The following GLRA3 variants were observed in gnomAD, a reference collection of about 807,000 sequenced individuals.
GLRA3 encodes the protein glycine receptor subunit alpha-3.
Under a neutral mutation model 60.4 loss-of-function variants are expected in GLRA3, and 44 were observed. The ratio of observed to expected loss-of-function variants is 0.73; its 90% CI spans 0.57 to 0.94. GLRA3 has a LOEUF of 0.94. GLRA3 is among the 40% of genes least tolerant of loss of function. The pLI, the probability that GLRA3 is intolerant of heterozygous loss-of-function variation, is 0.00. For missense variants in GLRA3, 508 were observed against 564.6 expected (o/e 0.90, Z 1.02); for synonymous variants, 223 against 192.9 (o/e 1.16, Z -1.29).
At chr4:174,688,049 G>T (rs574609735) in intron 5 of GLRA3, among the ~76,000 whole-genome samples, 1 of 151,636 alleles carries the variant, frequency 6.6e-6, no homozygotes, top group Admixed American at 6.6e-5. Context: ...GGTCCACAAG[G>T]ATTATAAGTC....
intron 7 of GLRA3, among the ~76,000 whole-genome samples, chr4:174,675,907 G>A (rs1433865177): frequency 6.6e-6 from 1 of 151,932 alleles, no homozygotes; most frequent in Non-Finnish European, 1.5e-5. Flanking sequence ...TAATAGAAAG[G>A]ACTAAGGGAG....
chr4:174,828,722 T>C lies in GLRA3; in HGVS notation c.71+19A>G. 6.4e-7 allele frequency: 1 copy of C among 1,551,326 alleles called. No homozygotes were observed. The highest frequency in any genetic ancestry group is 8.9e-7 in the Non-Finnish European group (1 of 1,122,794). On this transcript the variant is annotated intron_variant, in intron 1 of 9. Transcript: ENST00000274093. ...CAGGCTTAATGAGTTCTCCGACTGT[T>C]AAATCCAAGCGAACTCACCTGAGTA...
intron 7 of GLRA3, among the ~76,000 whole-genome samples, chr4:174,676,253 G>GA (rs1452152146): frequency 6.6e-6 from 1 of 152,066 alleles, no homozygotes; most frequent in Non-Finnish European, 1.5e-5. Context: ...CAGCATGGAT[G>GA]AAAATCGTGG....
At chr4:174,652,556 C>CT (rs1165159409) in intron 9 of GLRA3, among the ~76,000 whole-genome samples, 1 of 148,538 alleles carries the variant, frequency 6.7e-6, no homozygotes, top group African/African-American at 2.5e-5. Context: ...ACAGGAGTAT[C>CT]TTTTTTCTGT....
intron 3 of GLRA3, among the ~76,000 whole-genome samples, chr4:174,749,139 G>A (rs962477258): frequency 1.6e-4 from 24 of 151,980 alleles, no homozygotes; most frequent in African/African-American, 5.1e-4. Flanking sequence ...ATTGTTTCTC[G>A]ATTCGTAGAT....
intron 2 of GLRA3, among the ~76,000 whole-genome samples, chr4:174,784,577 A>G (rs1739045029): frequency 6.6e-6 from 1 of 152,062 alleles, no homozygotes; most frequent in Admixed American, 6.6e-5. Flanking sequence ...AAGTGAACAT[A>G]AAATCAACCA....
chr4:174,716,253 A>G (rs953940727), intron 4 of GLRA3, among the ~76,000 whole-genome samples: 1 of 152,162 alleles, frequency 6.6e-6, no homozygotes, highest in Non-Finnish European at 1.5e-5. Flanking sequence ...AGCCCTCTAG[A>G]ATATTCATGA....
intron 3 of GLRA3, among the ~76,000 whole-genome samples, chr4:174,740,115 T>A (rs1168490863): frequency 6.6e-6 from 1 of 152,190 alleles, no homozygotes; most frequent in East Asian, 1.9e-4. Context: ...TCGCATCTAA[T>A]TTAGTTGACA....
At chr4:174,730,536 C>G (rs1245263424) in intron 3 of GLRA3, among the ~76,000 whole-genome samples, 1 of 152,182 alleles carries the variant, frequency 6.6e-6, no homozygotes, top group African/African-American at 2.4e-5. Context: ...CTCTCTGTAG[C>G]TGTTCACCAC....
intron 9 of GLRA3, among the ~76,000 whole-genome samples, chr4:174,647,983 T>C (rs1196134856): frequency 1.3e-5 from 2 of 152,228 alleles, no homozygotes; most frequent in African/African-American, 4.8e-5. Flanking sequence ...GAATCCATGC[T>C]TTCCTACATC....
chr4:174,701,136 GGCTTCAAA>G (rs1735302376), intron 5 of GLRA3, among the ~76,000 whole-genome samples: 1 of 152,174 alleles, frequency 6.6e-6, no homozygotes, highest in African/African-American at 2.4e-5. Context: ...GTCAATGCCT[GGCTTCAAA>G]GCTTCAAAGA....
chr4:174,677,051 A>T lies in GLRA3; in HGVS notation c.927+27T>A, dbSNP rs537359834. The T allele has an allele frequency of 1.7e-4, 219 of 1,325,144 alleles. 1 individual carries two copies. In the South Asian group the frequency reaches 2.4e-3, roughly 15 times the overall value. The allele number at this position is 1,325,144 out of a possible 1,614,324, so 82.1% of individuals were successfully genotyped here. ...AAGATTTATAAGTGTGTGTGCAAAG[A>T]TGTGCATGCTCATTCAGTGCACTTA... On this transcript the variant is annotated intron_variant, in intron 7 of 9. Coordinates refer to ENST00000274093, the MANE Select transcript of GLRA3 (RefSeq NM_006529.4).
Position 174,715,536 on chromosome 4 carries a change from TG to T in GLRA3, c.525del (p.Lys176ArgfsTer11). 6.5e-7 allele frequency: 1 copy of T among 1,545,294 alleles called. No homozygotes were observed. Among genetic ancestry groups the T allele is most frequent in the Non-Finnish European group, 8.9e-7 (1 of 1,121,330 alleles). ...LTLTLSCPMD[L>X]KNFPMDVQTC... ...GTTTGTACATCCATGGGAAAATTCTTGAGATCCATTGGACAGGAAAGTGTTA... is the reference window on the plus strand; with the variant it reads ...GTTTGTACATCCATGGGAAAATTCTTAGATCCATTGGACAGGAAAGTGTTA... On this transcript the variant is annotated frameshift_variant, in exon 5 of 10. Coordinates refer to ENST00000274093, the MANE Select transcript of GLRA3 (RefSeq NM_006529.4). LOFTEE classifies it high-confidence loss of function.
rs570143650 is a variant in GLRA3 at position 174,740,482 on chromosome 4, C to A, written c.268-11784G>T. On this transcript the variant is annotated intron_variant, in intron 3 of 9. Coordinates refer to ENST00000274093, the MANE Select transcript of GLRA3 (RefSeq NM_006529.4). ...ACCATTTTGAATGCTGATCCTCCAGCTGAAACCAGAGATTTTATATCAATG... is the reference window on the plus strand; with the variant it reads ...ACCATTTTGAATGCTGATCCTCCAGATGAAACCAGAGATTTTATATCAATG... 1.6e-3 allele frequency among the ~76,000 whole-genome samples: 244 copies of A among 152,212 alleles called. 3 individuals carry two copies. The highest frequency in any genetic ancestry group is 5.5e-3 in the African/African-American group (230 of 41,534).
intron 3 of GLRA3, among the ~76,000 whole-genome samples, chr4:174,764,865 A>T (rs545258122): frequency 2.5e-4 from 38 of 152,234 alleles, no homozygotes; most frequent in Middle Eastern, 3.4e-3. Context: ...ATTAAAAATT[A>T]ATAAATATTG....
chr4:174,735,595 C>T (rs1053599916), intron 3 of GLRA3, among the ~76,000 whole-genome samples: 3 of 152,150 alleles, frequency 2.0e-5, no homozygotes, highest in Non-Finnish European at 2.9e-5. Flanking sequence ...GAGCATGGCT[C>T]TGTCTCCCAG....
At chr4:174,669,555 T>C (rs1733826915) in intron 7 of GLRA3, among the ~76,000 whole-genome samples, 1 of 152,132 alleles carries the variant, frequency 6.6e-6, no homozygotes, top group Non-Finnish European at 1.5e-5. Flanking sequence ...ACACAATATT[T>C]ATTTTTCACA....
chr4:174,804,561 T>G (rs75388896), intron 1 of GLRA3, among the ~76,000 whole-genome samples: 6,029 of 152,130 alleles, frequency 0.04, 144 homozygotes, highest in Middle Eastern at 0.065. Flanking sequence ...TGGTACTGGA[T>G]GTGAAGGAGA....
At chr4:174,747,985 T>G (rs181392495) in intron 3 of GLRA3, among the ~76,000 whole-genome samples, 210 of 148,122 alleles carry the variant, frequency 1.4e-3, no homozygotes, top group Middle Eastern at 6.9e-3. Flanking sequence ...GCCTTTCACA[T>G]GGAGACACTT....
Sources: gnomAD v4.1 joint callset for allele counts (sites outside exome capture counted in the v4.1 genomes callset) on GRCh38, gnomAD v4.1.1 for gene constraint, MANE v1.5 for transcripts, NCBI Gene and HGNC (gene_info 2026-07-23, HGNC 2026-07-21) for gene names.